PTPN5: variants seen among roughly 807,000 people sequenced by gnomAD.
PTPN5 encodes the protein tyrosine-protein phosphatase non-receptor type 5.
PTPN5 carries 29 observed loss-of-function variants against 73.9 expected under a neutral mutation model. The observed-to-expected ratio is 0.39, with a 90% CI of 0.29 to 0.54. The LOEUF is 0.54. Ranked by LOEUF, PTPN5 falls within the 20% of genes least tolerant of loss-of-function variation. The probability of loss-of-function intolerance (pLI) is 0.65; values close to 1 mark genes in which losing one functional copy is unlikely to be tolerated. For synonymous variants in PTPN5, 267 were observed against 304.7 expected (o/e 0.88, Z 1.29); for missense variants, 652 against 751.4 (o/e 0.87, Z 1.55).
Position 18,740,728 on chromosome 11 carries a change from CAAA to C in PTPN5, c.787_789del (p.Phe263del), listed in dbSNP as rs1849325826. 1.2e-5 allele frequency: 20 copies of C among 1,602,252 alleles called. No homozygotes were observed. Among genetic ancestry groups the C allele is most frequent in the Non-Finnish European group, 1.7e-5 (20 of 1,173,344 alleles). On this transcript the variant is annotated inframe_deletion, in exon 8 of 15. Coordinates refer to ENST00000358540, the MANE Select transcript of PTPN5 (RefSeq NM_006906.2). ...TCCTCACGTGGGGACATGAGATAGC[CAAA>C]GCCCTCCTCGTTGCAGCCCGGAGTG...
chr11:18,758,675 GT>G (rs59126462), intron 3 of PTPN5, among the ~76,000 whole-genome samples: 9,349 of 150,504 alleles, frequency 0.062, 693 homozygotes, highest in African/African-American at 0.18. Flanking sequence ...GGAAGGATGA[GT>G]TTTTTTTTTT....
intron 1 of PTPN5, 63 bp downstream of exon 1, chr11:18,791,462 G>C (rs1851923886): frequency 6.6e-6 from 1 of 152,124 alleles, no homozygotes; most frequent in African/African-American, 2.4e-5. Flanking sequence ...CCCGAAGGAG[G>C]GACCCGCGCC....
At chr11:18,754,135 A>C (rs4757710) in intron 3 of PTPN5, among the ~76,000 whole-genome samples, 100,874 of 151,898 alleles carry the variant, frequency 0.66, 34,233 homozygotes, top group Middle Eastern at 0.86. Context: ...GTATGATGGA[A>C]GATGCTCTAG....
At chr11:18,779,921 G>A (rs868512568) in intron 1 of PTPN5, among the ~76,000 whole-genome samples, 1 of 152,170 alleles carries the variant, frequency 6.6e-6, no homozygotes, top group Non-Finnish European at 1.5e-5. Context: ...ACATGGCACC[G>A]ATGAGAGCTG....
At chr11:18,756,930 A>C (rs1016824513) in intron 3 of PTPN5, among the ~76,000 whole-genome samples, 2 of 148,920 alleles carry the variant, frequency 1.3e-5, no homozygotes, top group African/African-American at 2.5e-5. Flanking sequence ...TCAAAAAAAA[A>C]AAAAAACCAA....
intron 1 of PTPN5, among the ~76,000 whole-genome samples, chr11:18,786,583 A>T (rs1215042271): frequency 6.6e-6 from 1 of 152,182 alleles, no homozygotes; most frequent in South Asian, 2.1e-4. Flanking sequence ...AAAAGAGAAA[A>T]GAGTTTCTAG....
In PTPN5 at chr11:18,729,398, A is replaced by G; in HGVS notation, c.1604+55T>C. On this transcript the variant is annotated intron_variant, in intron 14 of 14. Transcript: ENST00000358540. This position sits in a 1 kb window ranked among gnomAD's most constrained non-coding sequence, Gnocchi z 5.2. ...CATGCACATGTGGGTCTCTCCCTCT[A>G]CCCGCTCGGGGCTCTAGCTCCCTTG... 2 of 868,136 alleles carry G rather than the reference A, an allele frequency of 2.3e-6. No individual in the cohort carries two copies. The highest frequency in any genetic ancestry group is 3.9e-6 in the Non-Finnish European group (2 of 516,664). The allele number at this position is 868,136 out of a possible 1,614,324, so 53.8% of individuals were successfully genotyped here.
rs1420624991 is a variant in PTPN5, at chr11:18,729,846, G to A, written c.1330-28C>T. 1.2e-6 allele frequency: 2 copies of A among 1,614,002 alleles called. No individual in the cohort carries two copies. The highest frequency in any genetic ancestry group is 1.7e-5 in the Admixed American group (1 of 60,014). ...GTCGAGGAGACAGAGGCCCACCCCA[G>A]GTATGTGTGAACTCTTTCAGCTCAC... On this transcript the variant is annotated intron_variant, in intron 12 of 14. Coordinates refer to ENST00000358540, the MANE Select transcript of PTPN5 (RefSeq NM_006906.2). The surrounding 1 kb of genome is among the most constrained non-coding windows in gnomAD (Gnocchi z 5.2).
rs1435347470 is a variant in PTPN5 at position 18,732,647 on chromosome 11, G to A, written c.1274C>T (p.Thr425Ile). Reference sequence around the variant, plus strand: ...CTCCGTGTGAATGACTTTCTGCACAGTGATCTCAACACCGTCGTACGCCAC... The same window carrying A: ...CTCCGTGTGAATGACTTTCTGCACAATGATCTCAACACCGTCGTACGCCAC... The part of the protein sequence containing the change: ...EQVAYDGVEI[T>I]VQKVIHTEDY... Residue 425 changes from threonine (T) to isoleucine (I), a missense_variant, in exon 12 of 15, where the codon ACT (threonine) becomes ATT (isoleucine). Transcript: ENST00000358540. 1.2e-6 allele frequency: 2 copies of A among 1,613,952 alleles called. No homozygotes were observed. The highest frequency in any genetic ancestry group is 1.3e-5 in the African/African-American group (1 of 75,032).
In PTPN5 at chr11:18,742,845, A is replaced by T; in HGVS notation, c.483+147T>A. 1.5e-6 allele frequency: 1 copy of T among 682,818 alleles called. No individual in the cohort carries two copies. The highest frequency in any genetic ancestry group is 2.5e-6 in the Non-Finnish European group (1 of 396,168). The allele number at this position is 682,818 out of a possible 1,614,324, so 42.3% of individuals were successfully genotyped here. Reference sequence around the variant, plus strand: ...TCGGAAAGAAGGAGGCTCTTGCCCCAGGCTGGCACACTTGTGCAAAGAGAT... The same window carrying T: ...TCGGAAAGAAGGAGGCTCTTGCCCCTGGCTGGCACACTTGTGCAAAGAGAT... On this transcript the variant is annotated intron_variant, in intron 6 of 14. Transcript: ENST00000358540. The surrounding 1 kb of genome is among the most constrained non-coding windows in gnomAD (Gnocchi z 4.1).
intron 1 of PTPN5, among the ~76,000 whole-genome samples, chr11:18,775,278 T>C (rs1331591558): frequency 6.6e-6 from 1 of 152,252 alleles, no homozygotes; most frequent in Non-Finnish European, 1.5e-5. Context: ...AGAGACAGCA[T>C]ATCATGGCAG....
At chr11:18,755,044 A>G (rs965120821) in intron 3 of PTPN5, among the ~76,000 whole-genome samples, 3 of 152,136 alleles carry the variant, frequency 2.0e-5, no homozygotes, top group African/African-American at 7.2e-5. Context: ...GTCCTAAGAG[A>G]CTGTGACTTC....
chr11:18,774,802 T>C (rs1462717343), intron 1 of PTPN5, among the ~76,000 whole-genome samples: 1 of 152,164 alleles, frequency 6.6e-6, no homozygotes, highest in Non-Finnish European at 1.5e-5. Context: ...CAGGGCCACT[T>C]TGGCTTTCTT....
chr11:18,742,115 G>T lies in PTPN5; in HGVS notation c.725+147C>A. ...TTGGGGCACTTTGATCTCTATGAAT[G>T]ACCTGGATAGCACATGTCTACACTG... On this transcript the variant is annotated intron_variant, in intron 7 of 14. Transcript: ENST00000358540. This position sits in a 1 kb window ranked among gnomAD's most constrained non-coding sequence, Gnocchi z 4.1. The T allele has an allele frequency of 9.2e-7, 1 of 1,089,962 alleles. No homozygotes were observed. Among genetic ancestry groups the T allele is most frequent in the Non-Finnish European group, 1.3e-6 (1 of 755,076 alleles). The allele number at this position is 1,089,962 out of a possible 1,614,324, so 67.5% of individuals were successfully genotyped here. A position where few individuals can be genotyped will look rare whatever the true frequency, so the allele number is the denominator to read the frequency against.
In PTPN5 at chr11:18,750,024, TG is replaced by T. The variant is rs1849815000; in HGVS notation, c.98-5826del. On this transcript the variant is annotated intron_variant, in intron 3 of 14. Transcript: ENST00000358540. ...TGCCTGGACTTCATGAATTACCGGC[TG>T]TCAGAGCCTGATGGGCCCTGAGGGA... is the stretch of plus-strand genomic sequence containing the variant. Among the ~76,000 whole-genome samples, 5 of 152,262 alleles carry T rather than the reference TG, an allele frequency of 3.3e-5. No individual in the cohort carries two copies. The South Asian group carries it at 1.0e-3, about 32-fold the overall frequency.
chr11:18,732,110 C>G (rs1316414751), intron 12 of PTPN5, among the ~76,000 whole-genome samples: 1 of 152,214 alleles, frequency 6.6e-6, no homozygotes, highest in Non-Finnish European at 1.5e-5. Context: ...GTAACCACAG[C>G]CCCCTGTACA....
At chr11:18,741,111 G>A (rs564987094) in intron 7 of PTPN5, among the ~76,000 whole-genome samples, 1 of 152,282 alleles carries the variant, frequency 6.6e-6, no homozygotes, top group South Asian at 2.1e-4. Context: ...ATCACCGTTG[G>A]AGGAAGTTCT....
At chr11:18,756,541 C>A (rs911105820) in intron 3 of PTPN5, among the ~76,000 whole-genome samples, 6 of 151,932 alleles carry the variant, frequency 3.9e-5, no homozygotes, top group East Asian at 2.0e-4. Flanking sequence ...ATGTGACCCA[C>A]CCGTCTCAGC....
intron 1 of PTPN5, among the ~76,000 whole-genome samples, chr11:18,778,778 T>C (rs1851286579): frequency 6.6e-6 from 1 of 152,208 alleles, no homozygotes; most frequent in African/African-American, 2.4e-5. Flanking sequence ...ACTCAGTCTC[T>C]TGCACTGCTA....
Sources: allele counts gnomAD v4.1 joint callset (sites outside exome capture counted in the v4.1 genomes callset), GRCh38; gene constraint gnomAD v4.1.1; non-coding constraint Gnocchi (gnomAD v3.1); transcripts MANE v1.5; gene names NCBI Gene and HGNC (gene_info 2026-07-23, HGNC 2026-07-21).